HECW2: variants seen among roughly 807,000 people sequenced by gnomAD.
The protein encoded by HECW2 is HECT, C2 and WW domain containing E3 ubiquitin protein ligase 2, also known as E3 ubiquitin-protein ligase HECW2.
A neutral mutation model predicts 175.2 loss-of-function variants in HECW2; 61 were observed. The observed-to-expected ratio is 0.35, with a 90% CI of 0.28 to 0.43. The LOEUF (loss-of-function observed/expected upper bound fraction) is 0.43, where lower values mean the gene tolerates loss of function less well. Among genes scored for constraint, HECW2 ranks in the 20% least tolerant of loss-of-function variants. The pLI is 1.00. For missense variants in HECW2, 1,524 were observed against 2,000.5 expected, an observed-to-expected ratio of 0.76 and a Z score of 4.54; for synonymous variants, 671 against 731.0, an observed-to-expected ratio of 0.92 and a Z score of 1.32.
chr2:196,285,035 A>AT (rs1690333113), intron 14 of HECW2, among the ~76,000 whole-genome samples: 2 of 152,200 alleles, frequency 1.3e-5, no homozygotes, highest in African/African-American at 4.8e-5. Context: ...CTCGAATCTC[A>AT]TTTTTAAAAA....
At chr2:196,380,173 T>C (rs1200861747) in intron 2 of HECW2, among the ~76,000 whole-genome samples, 1 of 152,256 alleles carries the variant, frequency 6.6e-6, no homozygotes, top group Non-Finnish European at 1.5e-5. Flanking sequence ...GGATAACAAA[T>C]GCACAAAGAT....
intron 19 of HECW2, among the ~76,000 whole-genome samples, chr2:196,246,998 C>T (rs1688671006): frequency 6.6e-6 from 1 of 152,102 alleles, no homozygotes; most frequent in Non-Finnish European, 1.5e-5. Flanking sequence ...TACGGTGGCT[C>T]ACGCCTGTAA....
intron 1 of HECW2, among the ~76,000 whole-genome samples, chr2:196,436,038 T>C (rs910940353): frequency 2.0e-5 from 3 of 152,196 alleles, no homozygotes; most frequent in Non-Finnish European, 4.4e-5. Flanking sequence ...AAAAGAGCCT[T>C]GTAGGCAGTG....
chr2:196,472,092 G>T (rs1697223208), intron 1 of HECW2, among the ~76,000 whole-genome samples: 1 of 151,842 alleles, frequency 6.6e-6, no homozygotes, highest in African/African-American at 2.4e-5. Context: ...GAATGAACTA[G>T]ATTTACCCAT....
intron 1 of HECW2, among the ~76,000 whole-genome samples, chr2:196,491,375 C>T (rs867888847): frequency 0.014 from 1,805 of 126,158 alleles, 13 homozygotes; most frequent in South Asian, 0.042. Context: ...TATATACACA[C>T]ACACACACAC....
At chr2:196,493,266 G>A (rs540983648) in intron 1 of HECW2, 3 of 152,308 alleles carry the variant, frequency 2.0e-5, no homozygotes, top group African/African-American at 7.2e-5. Flanking sequence ...CTATGAGGAA[G>A]GCTGAGGTGG....
chr2:196,257,766 C>G (rs1478082745), intron 18 of HECW2, 57 bp downstream of exon 18: 1 of 1,187,508 alleles, frequency 8.4e-7, no homozygotes. Flanking sequence ...CTACAATGTT[C>G]CATGATATCT....
intron 13 of HECW2, among the ~76,000 whole-genome samples, chr2:196,294,989 C>G (rs367973012): frequency 6.6e-6 from 1 of 151,858 alleles, no homozygotes; most frequent in Non-Finnish European, 1.5e-5. Context: ...CCTATCAAAA[C>G]AAATTAAAGG....
chr2:196,356,321 G>A (rs189884588), intron 2 of HECW2, among the ~76,000 whole-genome samples: 3 of 152,310 alleles, frequency 2.0e-5, no homozygotes, highest in Admixed American at 6.5e-5. Context: ...AAGCTGGTAC[G>A]GCAGTCACCT....
intron 28 of HECW2, among the ~76,000 whole-genome samples, chr2:196,207,338 C>A (rs1392268958): frequency 2.0e-5 from 3 of 152,150 alleles, no homozygotes; most frequent in Non-Finnish European, 4.4e-5. Flanking sequence ...TTAAAGGAAT[C>A]CAGTTATAGT....
chr2:196,472,793 G>A (rs1356216828), intron 1 of HECW2, among the ~76,000 whole-genome samples: 1 of 151,934 alleles, frequency 6.6e-6, no homozygotes, highest in Admixed American at 6.6e-5. Context: ...AGCTAATTTT[G>A]TATTTTTAGT....
intron 1 of HECW2, among the ~76,000 whole-genome samples, chr2:196,460,014 C>T (rs1348896987): frequency 6.6e-6 from 1 of 152,152 alleles, no homozygotes; most frequent in Non-Finnish European, 1.5e-5. Context: ...CTGTCTTATT[C>T]TTCTCACCCT....
At chr2:196,508,444 C>A (rs1051054331) in intron 1 of HECW2, among the ~76,000 whole-genome samples, 1 of 152,206 alleles carries the variant, frequency 6.6e-6, no homozygotes, top group Non-Finnish European at 1.5e-5. Context: ...AAGAAAGCTA[C>A]TGGATGCTCG....
chr2:196,195,758 T>C lies in HECW2; in HGVS notation c.*5519A>G, dbSNP rs1348599147. 2 of 152,196 alleles carry C rather than the reference T, an allele frequency of 1.3e-5. No homozygotes were observed. The highest frequency in any genetic ancestry group is 2.9e-5 in the Non-Finnish European group (2 of 68,032). The allele number at this position is 152,196 out of a possible 1,614,324, so 9.4% of individuals were successfully genotyped here. A position where few individuals can be genotyped will look rare whatever the true frequency, so the allele number is the denominator to read the frequency against. On this transcript the variant is annotated 3_prime_UTR_variant, in exon 29 of 29. Coordinates refer to ENST00000644978, the MANE Select transcript of HECW2 (RefSeq NM_001348768.2). ...TTTCATACATGGTGTTCAATAATAGTAACAATAATTCTTAAATAAAAAAAT... is the reference window on the plus strand; with the variant it reads ...TTTCATACATGGTGTTCAATAATAGCAACAATAATTCTTAAATAAAAAAAT...
chr2:196,503,283 G>A (rs1687637104), intron 1 of HECW2, among the ~76,000 whole-genome samples: 1 of 152,146 alleles, frequency 6.6e-6, no homozygotes, highest in African/African-American at 2.4e-5. Context: ...ATATCTCAGA[G>A]TGCCACAGGC....
rs117717524 is a variant in HECW2 at position 196,218,774 on chromosome 2, C to G, written c.4408+1265G>C. 2.8e-4 allele frequency among the ~76,000 whole-genome samples: 42 copies of G among 152,204 alleles called. No homozygotes were observed. In the East Asian group the frequency reaches 6.7e-3, roughly 24 times the overall value. On this transcript the variant is annotated intron_variant, in intron 26 of 28. Transcript: ENST00000644978. ...GTAAAATATAACTTATGTAGCATGTCAGAGAAATTGTGCTCTCAGTAAAAA... is the reference window on the plus strand; with the variant it reads ...GTAAAATATAACTTATGTAGCATGTGAGAGAAATTGTGCTCTCAGTAAAAA...
chr2:196,562,211 T>C (rs17185821), intron 1 of HECW2, among the ~76,000 whole-genome samples: 20,977 of 152,178 alleles, frequency 0.14, 1,528 homozygotes, highest in Middle Eastern at 0.25. Flanking sequence ...GACTCCTTCA[T>C]AGTTCCTTCC....
intron 19 of HECW2, among the ~76,000 whole-genome samples, chr2:196,252,888 C>T (rs999436091): frequency 6.6e-6 from 1 of 152,170 alleles, no homozygotes; most frequent in African/African-American, 2.4e-5. Context: ...AATAATTGTT[C>T]CCACAGCTGT....
At chr2:196,566,739 G>A (rs1690205289) in intron 1 of HECW2, among the ~76,000 whole-genome samples, 1 of 136,032 alleles carries the variant, frequency 7.4e-6, no homozygotes, top group Non-Finnish European at 1.5e-5. Flanking sequence ...TTTTGGTAGA[G>A]ATGCGGTTTC....
Sources: gnomAD v4.1 joint callset for allele counts (sites outside exome capture counted in the v4.1 genomes callset) on GRCh38, gnomAD v4.1.1 for gene constraint, MANE v1.5 for transcripts, NCBI Gene and HGNC (gene_info 2026-07-23, HGNC 2026-07-21) for gene names.